Variants in SETD7 observed in about 807,000 individuals in gnomAD.
SETD7 encodes SET domain containing 7, histone lysine methyltransferase, also known as histone-lysine N-methyltransferase SETD7.
Under a neutral mutation model 41.8 loss-of-function variants are expected in SETD7, and 16 were observed. That is an observed-to-expected ratio of 0.38 (90% confidence interval 0.26 to 0.58). SETD7 has a LOEUF of 0.58. SETD7 is among the 20% of genes least tolerant of loss of function. The probability of loss-of-function intolerance (pLI) is 0.64; values close to 1 mark genes in which losing one functional copy is unlikely to be tolerated. For missense variants in SETD7, 346 were observed against 459.7 expected, an observed-to-expected ratio of 0.75 and a Z score of 2.26; for synonymous variants, 163 against 169.7, an observed-to-expected ratio of 0.96 and a Z score of 0.31.
rs922509638 is a variant in SETD7, at chr4:139,509,697, T to C, written c.*1966A>G. ...GGGCACATTTAAATTAAAGCACCTA[T>C]CAGAATGCAAGTCCAGAGGCCCTGG... is the stretch of plus-strand genomic sequence containing the variant. On this transcript the variant is annotated 3_prime_UTR_variant, in exon 8 of 8. Transcript: ENST00000274031. 1 of 985,490 alleles carries C rather than the reference T, an allele frequency of 1.0e-6. No individual in the cohort carries two copies. Among genetic ancestry groups the C allele is most frequent in the South Asian group, 4.7e-5 (1 of 21,284 alleles). The allele number at this position is 985,490 out of a possible 1,614,324, so 61.0% of individuals were successfully genotyped here.
downstream of SETD7, chr4:139,506,031 T>C (rs1726692940): frequency 6.6e-6 from 1 of 152,658 alleles, no homozygotes; most frequent in Non-Finnish European, 1.5e-5. Context: ...AGGAAGACAA[T>C]GACAGATGAT....
chr4:139,496,326 G>A (rs1378186153), exon 8 of SETD7: 1 of 700,122 alleles, frequency 1.4e-6, no homozygotes, highest in East Asian at 2.7e-5. Context: ...AGTAGGCAGA[G>A]TTCATTCCAT....
intron 2 of SETD7, among the ~76,000 whole-genome samples, chr4:139,534,962 GATAA>G (rs1200046334): frequency 6.6e-6 from 1 of 152,214 alleles, no homozygotes; most frequent in Non-Finnish European, 1.5e-5. Flanking sequence ...ATCCCAAGGA[GATAA>G]ATAGTTTTCT....
At chr4:139,493,851 T>G (rs940266169), downstream of SETD7, among the ~76,000 whole-genome samples, 3 of 152,216 alleles carry the variant, frequency 2.0e-5, no homozygotes, top group African/African-American at 7.2e-5. Context: ...CTTTACTGTT[T>G]TACATTACTC....
At chr4:139,543,874 G>A (rs1007802431) in intron 2 of SETD7, among the ~76,000 whole-genome samples, 4 of 152,078 alleles carry the variant, frequency 2.6e-5, no homozygotes, top group African/African-American at 9.7e-5. Context: ...TGAGGCAGGA[G>A]AATGGTGTGA....
intron 2 of SETD7, among the ~76,000 whole-genome samples, chr4:139,534,931 G>T (rs147130007): frequency 6.6e-6 from 1 of 152,168 alleles, no homozygotes; most frequent in Admixed American, 6.5e-5. Flanking sequence ...CTGGTTAAAA[G>T]GTAATTATAC....
At chr4:139,498,207 A>G (rs1299368880) in intron 7 of SETD7, among the ~76,000 whole-genome samples, 2 of 152,114 alleles carry the variant, frequency 1.3e-5, no homozygotes, top group Non-Finnish European at 2.9e-5. Flanking sequence ...TGGGCTCTGG[A>G]GGGACTGCCC....
chr4:139,524,720 A>C (rs1052858233), intron 4 of SETD7, among the ~76,000 whole-genome samples: 5 of 152,198 alleles, frequency 3.3e-5, no homozygotes, highest in Non-Finnish European at 5.9e-5. Flanking sequence ...CTCTTGCAAT[A>C]ATAGCGGGCA....
At chr4:139,502,129 A>C (rs192945564), downstream of SETD7, among the ~76,000 whole-genome samples, 1 of 152,342 alleles carries the variant, frequency 6.6e-6, no homozygotes, top group Admixed American at 6.5e-5. Flanking sequence ...AATTCTCCTA[A>C]TCATTACAAT....
chr4:139,553,620 G>A (rs1728173436), intron 1 of SETD7, among the ~76,000 whole-genome samples: 2 of 152,196 alleles, frequency 1.3e-5, no homozygotes, highest in Non-Finnish European at 2.9e-5. Flanking sequence ...TCCCGCCTCT[G>A]TAAAATTAGG....
Position 139,527,761 on chromosome 4 carries a change from T to C in SETD7, c.562+1270A>G, listed in dbSNP as rs914534652. On this transcript the variant is annotated intron_variant, in intron 4 of 7. Transcript: ENST00000274031. Reference sequence around the variant, plus strand: ...ACAGATACATTACTATGTACAAAACTCTAGACTTTATTTAGATTTCACCAG... The same window carrying C: ...ACAGATACATTACTATGTACAAAACCCTAGACTTTATTTAGATTTCACCAG... 3.3e-5 allele frequency among the ~76,000 whole-genome samples: 5 copies of C among 152,278 alleles called. No individual in the cohort carries two copies. The East Asian group carries it at 9.6e-4, about 29-fold the overall frequency.
intron 1 of SETD7, among the ~76,000 whole-genome samples, chr4:139,548,959 T>A (rs1232713405): frequency 1.3e-5 from 2 of 152,200 alleles, no homozygotes; most frequent in African/African-American, 4.8e-5. Context: ...ACTTGGACAA[T>A]TATTTTCTAA....
At chr4:139,534,075 T>C (rs1198607064) in intron 2 of SETD7, among the ~76,000 whole-genome samples, 1 of 152,168 alleles carries the variant, frequency 6.6e-6, no homozygotes, top group East Asian at 1.9e-4. Context: ...CTGATATCAT[T>C]AGCATCCTGA....
rs962006219 is a variant in SETD7, at chr4:139,555,600, G to T, written c.40+498C>A. Among the ~76,000 whole-genome samples the T allele has an allele frequency of 6.6e-6, 1 of 151,994 alleles. No individual in the cohort carries two copies. The highest frequency in any genetic ancestry group is 2.4e-5 in the African/African-American group (1 of 41,396). On this transcript the variant is annotated intron_variant, in intron 1 of 7. Coordinates refer to ENST00000274031, the MANE Select transcript of SETD7 (RefSeq NM_030648.4). The surrounding 1 kb of genome is among the most constrained non-coding windows in gnomAD (Gnocchi z 4.0). ...CTGGTCTGGCCCCGTGCGCTGCGCC[G>T]GGGGACCTACCCGGACGGGGCCGCG...
At position 139,556,169 on chromosome 4, in the gene SETD7, G is replaced by T; in HGVS notation, c.-32C>A. 6.3e-7 allele frequency: 1 copy of T among 1,583,854 alleles called. No individual in the cohort carries two copies. The highest frequency in any genetic ancestry group is 2.4e-5 in the East Asian group (1 of 42,030). On this transcript the variant is annotated 5_prime_UTR_variant, in exon 1 of 8. Coordinates refer to ENST00000274031, the MANE Select transcript of SETD7 (RefSeq NM_030648.4). The stretch of plus-strand genomic sequence containing the variant: ...TGGGGACACTGCCCAGCTCGGGGCT[G>T]CGCGGCTGCCTCCCGTCCCTCTGGG...
chr4:139,511,737 CG>C lies in SETD7; in HGVS notation c.1026del (p.Lys344ArgfsTer14), dbSNP rs35259575. 7 of 1,613,960 alleles carry C rather than the reference CG, an allele frequency of 4.3e-6. No individual in the cohort carries two copies. Among genetic ancestry groups the C allele is most frequent in the Non-Finnish European group, 5.9e-6 (7 of 1,179,972 alleles). The part of the protein sequence containing the change: ...TVAYGYDHSP[P>X]GKSGPEAPEW... ...TCAGGGGCTTCAGGCCCACTCTTCC[CG>C]GGGGGGCTGTGGTCATAGCCATAGG... On this transcript the variant is annotated frameshift_variant, in exon 8 of 8. Transcript: ENST00000274031. LOFTEE classifies it high-confidence loss of function.
chr4:139,556,054 G>A lies in SETD7; in HGVS notation c.40+44C>T. The A allele has an allele frequency of 1.9e-6, 3 of 1,559,868 alleles. No homozygotes were observed. The South Asian group carries it at 3.6e-5, about 19-fold the overall frequency. ...AGCCCGCCACTCCTTCCGCGCTCCA[G>A]GCCCTCTGCGCCTCCTCCCCCGGCC... On this transcript the variant is annotated intron_variant, in intron 1 of 7. Transcript: ENST00000274031.
chr4:139,527,866 C>T (rs1371105907), intron 4 of SETD7, among the ~76,000 whole-genome samples: 1 of 152,096 alleles, frequency 6.6e-6, no homozygotes, highest in Admixed American at 6.5e-5. Context: ...CCATTTTTAA[C>T]TTAAAAAAAC....
intron 4 of SETD7, among the ~76,000 whole-genome samples, chr4:139,524,363 G>A (rs529668440): frequency 7.9e-5 from 12 of 152,340 alleles, no homozygotes; most frequent in African/African-American, 2.6e-4. Flanking sequence ...TCAGGGAATT[G>A]GTCATACAGG....
Sources: gnomAD v4.1 joint callset for allele counts (sites outside exome capture counted in the v4.1 genomes callset) on GRCh38, gnomAD v4.1.1 for gene constraint, Gnocchi (gnomAD v3.1) non-coding constraint, MANE v1.5 for transcripts, NCBI Gene and HGNC (gene_info 2026-07-23, HGNC 2026-07-21) for gene names.